The following LLGL2 variants were observed in gnomAD, a reference collection of about 807,000 sequenced individuals.
The protein encoded by LLGL2 is LLGL scribble cell polarity complex component 2.
Under a neutral mutation model 123.2 loss-of-function variants are expected in LLGL2, and 81 were observed. That is an observed-to-expected ratio of 0.66 (90% CI 0.55 to 0.79). The LOEUF is 0.79. Ranked by LOEUF, LLGL2 falls within the 30% of genes least tolerant of loss-of-function variation. The pLI, the probability that LLGL2 is intolerant of heterozygous loss-of-function variation, is 0.00. For synonymous variants in LLGL2, 577 were observed against 594.1 expected (o/e 0.97, Z 0.42); for missense variants, 1,273 against 1,414.6 (o/e 0.90, Z 1.61).
intron 1 of LLGL2, among the ~76,000 whole-genome samples, chr17:75,537,027 TGGCCAG>T (rs768855175): frequency 1.9e-4 from 29 of 152,140 alleles, no homozygotes; most frequent in Admixed American, 3.9e-4. Flanking sequence ...TTTGGCATGT[TGGCCAG>T]GCTGCTCGCA....
chr17:75,535,768 G>A lies in LLGL2; in HGVS notation c.-30-7629G>A, dbSNP rs139895929. 4.3e-3 allele frequency among the ~76,000 whole-genome samples: 648 copies of A among 152,322 alleles called. 7 individuals carry two copies. Among genetic ancestry groups the A allele is most frequent in the African/African-American group, 0.015 (603 of 41,582 alleles). ...TTCTTGAGCTCTTGAGATGGAAGGC[G>A]GGCCAGGGTGTGGATTTTGTGGCCT... On this transcript the variant is annotated intron_variant, in intron 1 of 25. Transcript: ENST00000392550.
chr17:75,530,893 C>T (rs1292123964), intron 1 of LLGL2, among the ~76,000 whole-genome samples: 5 of 152,150 alleles, frequency 3.3e-5, no homozygotes, highest in African/African-American at 7.2e-5. Flanking sequence ...GTGGAGGGCG[C>T]GGCTTCTCCT....
chr17:75,563,899 T>A, intron 9 of LLGL2, 93 bp downstream of exon 9: 1 of 1,265,162 alleles, frequency 7.9e-7, no homozygotes, highest in Non-Finnish European at 1.2e-6. Context: ...TTGGTGCCAG[T>A]GAACACTCTC....
In LLGL2 at chr17:75,570,019, G is replaced by C; in HGVS notation, c.1638G>C (p.Glu546Asp). The C allele has an allele frequency of 3.1e-6, 5 of 1,612,020 alleles. No homozygotes were observed. The highest frequency in any genetic ancestry group is 4.2e-6 in the Non-Finnish European group (5 of 1,179,374). Residue 546 changes from glutamate to aspartate, a missense_variant, in exon 15 of 26, where the codon GAG becomes GAC. Transcript: ENST00000392550. ...EAAEQAVEQV[E>D]ADLLQDQEGY... ...CGGAGCAGGCTGTGGAGCAGGTGGA[G>C]GCCGACCTGCTGCAGGACCAAGAGG...
In LLGL2 at chr17:75,559,171, T is replaced by C. The variant is rs536503782; in HGVS notation, c.372-81T>C. On this transcript the variant is annotated intron_variant, in intron 5 of 25. Transcript: ENST00000392550. The surrounding 1 kb of genome is among the most constrained non-coding windows in gnomAD (Gnocchi z 4.6). ...ATTAAAGGGCCTTATGGGCTTGTTT[T>C]CCGAGGAGTCAGGGGACCCCGTCCA... is the stretch of plus-strand genomic sequence containing the variant. 1,782 of 1,419,164 alleles carry C rather than the reference T, an allele frequency of 1.3e-3. 2 individuals carry two copies. Among genetic ancestry groups the C allele is most frequent in the Non-Finnish European group, 1.6e-3 (1,711 of 1,071,538 alleles). The allele number at this position is 1,419,164 out of a possible 1,614,324, so 87.9% of individuals were successfully genotyped here. A position where few individuals can be genotyped will look rare whatever the true frequency, so the allele number is the denominator to read the frequency against.
At chr17:75,563,285 C>T in intron 7 of LLGL2, 46 bp from the exon 8 acceptor site, 5 of 1,604,828 alleles carry the variant, frequency 3.1e-6, no homozygotes, top group Non-Finnish European at 3.4e-6. Flanking sequence ...GGAACGCCGC[C>T]TCGGTCCAGC....
chr17:75,537,610 A>G (rs1369102180), intron 1 of LLGL2, among the ~76,000 whole-genome samples: 1 of 151,916 alleles, frequency 6.6e-6, no homozygotes, highest in Non-Finnish European at 1.5e-5. Flanking sequence ...AGGCAGGAGA[A>G]TTGCTTGAAC....
At chr17:75,539,413 CT>C (rs1254885147) in intron 1 of LLGL2, among the ~76,000 whole-genome samples, 27 of 141,388 alleles carry the variant, frequency 1.9e-4, no homozygotes, top group East Asian at 6.2e-4. Flanking sequence ...ATGTCCTTTC[CT>C]TTTTTTTTTA....
Position 75,573,877 on chromosome 17 carries a change from C to T in LLGL2, c.2877-75C>T. On this transcript the variant is annotated intron_variant, in intron 21 of 25. Transcript: ENST00000392550. ...GGACAGGCTGCGCCATTGACTTGTT[C>T]TTCATGGGACCAGGGCTCTCAGAGC... 3 of 1,507,840 alleles carry T rather than the reference C, an allele frequency of 2.0e-6. No homozygotes were observed. The South Asian group carries it at 3.6e-5, about 18-fold the overall frequency. 93.4% of individuals were successfully genotyped at this position (1,507,840 alleles called of 1,614,324 possible).
intron 2 of LLGL2, among the ~76,000 whole-genome samples, chr17:75,546,635 CA>C (rs2054439901): frequency 1.4e-4 from 5 of 35,794 alleles, no homozygotes; most frequent in African/African-American, 3.8e-4. Context: ...GTCCAGCAGA[CA>C]GGCGGAGGGC....
chr17:75,572,982 C>T (rs772228755), intron 19 of LLGL2, 32 bp from the exon 20 acceptor site: 12 of 1,576,078 alleles, frequency 7.6e-6, no homozygotes, highest in Middle Eastern at 1.7e-4. Context: ...CTGGTTTGGC[C>T]ATGGGCATGA....
chr17:75,536,984 T>C (rs1474198074), intron 1 of LLGL2, among the ~76,000 whole-genome samples: 2 of 152,046 alleles, frequency 1.3e-5, no homozygotes, highest in East Asian at 3.9e-4. Context: ...CCCACCACCA[T>C]GCCCGGCTAA....
rs2054593602 is a variant in LLGL2, at chr17:75,549,968, C to A, written c.76-6078C>A. 6.6e-6 allele frequency among the ~76,000 whole-genome samples: 1 copy of A among 152,242 alleles called. No homozygotes were observed. ...AAATCTTTGCTCTCCTTTCCCAACC[C>A]CCCTGTCAAAAGAGTTCATTGTTCT... On this transcript the variant is annotated intron_variant, in intron 2 of 25. Transcript: ENST00000392550. This position sits in a 1 kb window ranked among gnomAD's most constrained non-coding sequence, Gnocchi z 4.0.
chr17:75,535,483 C>T (rs765780331), intron 1 of LLGL2, among the ~76,000 whole-genome samples: 1 of 152,216 alleles, frequency 6.6e-6, no homozygotes, highest in Non-Finnish European at 1.5e-5. Context: ...ATGGAACTTC[C>T]CGAGCTATGG....
chr17:75,549,301 A>G lies in LLGL2; in HGVS notation c.75+5800A>G, dbSNP rs1232842956. 6.6e-6 allele frequency among the ~76,000 whole-genome samples: 1 copy of G among 152,058 alleles called. No individual in the cohort carries two copies. The highest frequency in any genetic ancestry group is 1.5e-5 in the Non-Finnish European group (1 of 68,012). ...AGTGCTGCTGGAGAAGTCAAGGTAAAACCCGTTCCTAGACAACTGCTCACA... is the reference window on the plus strand; with the variant it reads ...AGTGCTGCTGGAGAAGTCAAGGTAAGACCCGTTCCTAGACAACTGCTCACA... On this transcript the variant is annotated intron_variant, in intron 2 of 25. Transcript: ENST00000392550. This position sits in a 1 kb window ranked among gnomAD's most constrained non-coding sequence, Gnocchi z 4.0.
chr17:75,543,898 C>T lies in LLGL2; in HGVS notation c.75+397C>T, dbSNP rs539211196. ...TCAGGGGGTGATAATGTTCCAGGTC[C>T]CTTGGGGCCCTGGAGTCACAGGCCA... On this transcript the variant is annotated intron_variant, in intron 2 of 25. Transcript: ENST00000392550. Among the ~76,000 whole-genome samples, 213 of 152,202 alleles carry T rather than the reference C, an allele frequency of 1.4e-3. 1 individual carries two copies. Among genetic ancestry groups the T allele is most frequent in the African/African-American group, 4.8e-3 (199 of 41,526 alleles).
At chr17:75,573,755 G>C in intron 21 of LLGL2, 124 bp downstream of exon 21, 1 of 1,176,424 alleles carries the variant, frequency 8.5e-7, no homozygotes, top group African/African-American at 1.8e-5. Context: ...CACCCTCCCA[G>C]GCTCCGGCTC....
chr17:75,550,024 G>A (rs1233992532), intron 2 of LLGL2, among the ~76,000 whole-genome samples: 4 of 152,252 alleles, frequency 2.6e-5, no homozygotes, highest in Admixed American at 2.6e-4. Context: ...ACCTGAGCCA[G>A]GTATCAGATG....
Position 75,563,740 on chromosome 17 carries a change from C to G in LLGL2, c.827-12C>G. ...TTTGAGGATCCGTTCAAGCCGATTC[C>G]TTTCCTTTCAGGTCCCTTTCCTTGC... On this transcript the variant is annotated splice_polypyrimidine_tract_variant and intron_variant, in intron 8 of 25. Coordinates refer to ENST00000392550, the MANE Select transcript of LLGL2 (RefSeq NM_001031803.2). 1 of 1,614,124 alleles carries G rather than the reference C, an allele frequency of 6.2e-7. No individual in the cohort carries two copies. Among genetic ancestry groups the G allele is most frequent in the Non-Finnish European group, 8.5e-7 (1 of 1,180,018 alleles).
Sources: gnomAD v4.1 joint callset for allele counts (sites outside exome capture counted in the v4.1 genomes callset) on GRCh38, gnomAD v4.1.1 for gene constraint, Gnocchi (gnomAD v3.1) non-coding constraint, MANE v1.5 for transcripts, NCBI Gene and HGNC (gene_info 2026-07-23, HGNC 2026-07-21) for gene names.